The following BLTP3A variants were observed in gnomAD, a reference collection of about 807,000 sequenced individuals.
BLTP3A encodes the protein ICBP90 binding protein 1.
the BLTP3A span, among the ~76,000 whole-genome samples, chr6:34,851,700 T>C: frequency 6.6e-6 from 1 of 152,166 alleles, no homozygotes; most frequent in African/African-American, 2.4e-5. Flanking sequence ...GTGCTTCCCT[T>C]TGGGGCAGTG....
At chr6:34,800,583 T>C in the BLTP3A span, among the ~76,000 whole-genome samples, 1 of 152,202 alleles carries the variant, frequency 6.6e-6, no homozygotes, top group Admixed American at 6.5e-5. Flanking sequence ...TATTTGCTAC[T>C]GGTTGTGAAC....
At chr6:34,816,954 G>T in the BLTP3A span, among the ~76,000 whole-genome samples, 1 of 152,158 alleles carries the variant, frequency 6.6e-6, no homozygotes, top group Non-Finnish European at 1.5e-5. Context: ...TAGAGGAAGG[G>T]TTGCTAGGAC....
chr6:34,832,922 A>G, the BLTP3A span, among the ~76,000 whole-genome samples: 5 of 151,942 alleles, frequency 3.3e-5, no homozygotes, highest in Admixed American at 1.3e-4. Context: ...TTTCAGTTTG[A>G]ATTTTCAGAC....
the BLTP3A span, chr6:34,859,581 T>C: frequency 1.2e-6 from 2 of 1,612,954 alleles, no homozygotes; most frequent in East Asian, 2.2e-5. Context: ...AGTAAGTGGC[T>C]CTGTACCTCC....
At chr6:34,839,773 T>C in the BLTP3A span, among the ~76,000 whole-genome samples, 10 of 152,196 alleles carry the variant, frequency 6.6e-5, no homozygotes, top group Non-Finnish European at 1.5e-4. Flanking sequence ...CGCGGGTGGC[T>C]CTCCCTTACC....
the BLTP3A span, among the ~76,000 whole-genome samples, chr6:34,827,956 G>C: frequency 1.5e-3 from 226 of 152,142 alleles, 1 homozygote; most frequent in African/African-American, 5.1e-3. Context: ...ATACAGAAAG[G>C]TTCTTTTATT....
At chr6:34,833,411 A>AT in the BLTP3A span, among the ~76,000 whole-genome samples, 157 of 146,786 alleles carry the variant, frequency 1.1e-3, no homozygotes, top group Middle Eastern at 3.6e-3. Context: ...ATCATTGAAG[A>AT]TTTTTTTTTT....
At chr6:34,805,501 G>A in the BLTP3A span, among the ~76,000 whole-genome samples, 1 of 151,418 alleles carries the variant, frequency 6.6e-6, no homozygotes, top group African/African-American at 2.4e-5. Context: ...GCTGAGGCAG[G>A]AGAATCACTT....
chr6:34,799,917 C>A, the BLTP3A span, among the ~76,000 whole-genome samples: 1 of 147,840 alleles, frequency 6.8e-6, no homozygotes, highest in African/African-American at 2.5e-5. Context: ...TTTTTTTTTT[C>A]ATTATCTTCA....
the BLTP3A span, among the ~76,000 whole-genome samples, chr6:34,797,267 G>A: frequency 2.6e-5 from 4 of 152,326 alleles, no homozygotes; most frequent in Admixed American, 6.5e-5. Flanking sequence ...GTGAACCTCA[G>A]CGATAGAGAC....
the BLTP3A span, chr6:34,821,890 C>T: frequency 1.2e-6 from 2 of 1,614,072 alleles, no homozygotes; most frequent in African/African-American, 1.3e-5. Context: ...GCTACCACAG[C>T]CCTGAGACTT....
At chr6:34,858,832 G>A in the BLTP3A span, 48 of 1,614,040 alleles carry the variant, frequency 3.0e-5, no homozygotes, top group Non-Finnish European at 4.0e-5. Flanking sequence ...CCCGGCCCAT[G>A]TCCGCGTGAG....
chr6:34,837,880 T>A, the BLTP3A span, among the ~76,000 whole-genome samples: 1 of 152,176 alleles, frequency 6.6e-6, no homozygotes, highest in Non-Finnish European at 1.5e-5. Flanking sequence ...GCTTTGGGTA[T>A]TTTTTGGTTT....
the BLTP3A span, among the ~76,000 whole-genome samples, chr6:34,795,306 C>G: frequency 1.3e-5 from 2 of 152,138 alleles, no homozygotes; most frequent in East Asian, 3.9e-4. Context: ...GTCTTGAACT[C>G]CTGGCTTCAA....
the BLTP3A span, among the ~76,000 whole-genome samples, chr6:34,855,200 T>C: frequency 3.9e-5 from 6 of 152,310 alleles, no homozygotes; most frequent in East Asian, 1.2e-3. Flanking sequence ...AAGGAAATAA[T>C]ATAGGTTATT....
chr6:34,871,577 C>G, the BLTP3A span: 1 of 1,611,706 alleles, frequency 6.2e-7, no homozygotes, highest in Non-Finnish European at 8.5e-7. Flanking sequence ...TTCTCTCTTT[C>G]CTGCAGGATG....
chr6:34,856,718 T>C, the BLTP3A span: 2 of 1,553,090 alleles, frequency 1.3e-6, no homozygotes, highest in Non-Finnish European at 1.7e-6. Context: ...CTTAGGATTT[T>C]TACTTTCCTT....
At chr6:34,873,835 CAT>C in the BLTP3A span, 1 of 152,736 alleles carries the variant, frequency 6.5e-6, no homozygotes, top group African/African-American at 2.4e-5. Flanking sequence ...TAAAAAGAAA[CAT>C]GTAATTGCAG....
At chr6:34,852,533 CCCTCTCCTCTCCTCTCCTCTCCTCT>C in the BLTP3A span, among the ~76,000 whole-genome samples, 8 of 129,270 alleles carry the variant, frequency 6.2e-5, no homozygotes, top group South Asian at 2.6e-4. Flanking sequence ...CTGTATTCGC[CCCTCTCCTCTCCTCTCCTCTCCTCT>C]CCTCTCCTCT....
Sources: allele counts gnomAD v4.1 joint callset (sites outside exome capture counted in the v4.1 genomes callset), GRCh38; gene constraint gnomAD v4.1.1; transcripts MANE v1.5; gene names NCBI Gene and HGNC (gene_info 2026-07-23, HGNC 2026-07-21).